SEMA3G: variants seen among roughly 807,000 people sequenced by gnomAD.
SEMA3G encodes semaphorin-3G.
SEMA3G carries 70 observed loss-of-function variants against 86.2 expected under a neutral mutation model. The observed-to-expected ratio is 0.81, with a 90% CI of 0.67 to 0.99. The LOEUF is 0.99. Among genes scored for constraint, SEMA3G ranks in the 50% least tolerant of loss-of-function variants. SEMA3G has a pLI of 0.00. For synonymous variants in SEMA3G, 416 were observed against 441.4 expected (o/e 0.94, Z 0.72); for missense variants, 1,002 against 1,072.4 (o/e 0.93, Z 0.92).
At position 52,436,014 on chromosome 3, in the gene SEMA3G, G is replaced by T; in HGVS notation, c.1938C>A (p.Ser646Arg). The T allele has an allele frequency of 1.2e-6, 2 of 1,613,586 alleles. No individual in the cohort carries two copies. Among genetic ancestry groups the T allele is most frequent in the Non-Finnish European group, 1.7e-6 (2 of 1,180,018 alleles). The change falls in exon 16 of 16, where the codon AGC becomes AGA. Residue 646 changes from serine to arginine, a missense_variant. Physicochemically the swap from Ser to Arg is moderately radical, Grantham distance 110 (BLOSUM62 -1). Coordinates refer to ENST00000231721, the MANE Select transcript of SEMA3G (RefSeq NM_020163.3). Reference sequence around the variant, plus strand: ...AGGTGTAGGTGCCCGCATCGAAACGGCTAAGCCTGCGGAACAGCAGCCCCC... The same window carrying T: ...AGGTGTAGGTGCCCGCATCGAAACGTCTAAGCCTGCGGAACAGCAGCCCCC... ...TERGLLFRRL[S>R]RFDAGTYTCT...
Position 52,435,955 on chromosome 3 carries a change from A to G in SEMA3G, c.1997T>C (p.Val666Ala), listed in dbSNP as rs1434018898. The G allele has an allele frequency of 6.2e-7, 1 of 1,613,996 alleles. No individual in the cohort carries two copies. The highest frequency in any genetic ancestry group is 8.5e-7 in the Non-Finnish European group (1 of 1,180,022). Residue 666 changes from valine to alanine, a missense_variant, in exon 16 of 16, where the codon GTG becomes GCG. Physicochemically the swap from Val to Ala is moderately conservative, Grantham distance 64. Transcript: ENST00000231721. ...AATCACCACCAGAGCCAGGCGGACC[A>G]CAGTCTGGGAGAAGCCATGCTCCAG... ...TTLEHGFSQTVVRLALVVIVA... is the reference protein window; with the variant it reads ...TTLEHGFSQTAVRLALVVIVA...
At chr3:52,441,512 G>A (rs981424374) in intron 6 of SEMA3G, 62 bp downstream of exon 6, 2 of 1,580,244 alleles carry the variant, frequency 1.3e-6, no homozygotes, top group African/African-American at 1.3e-5. Flanking sequence ...CCCACTGGAG[G>A]CTGGTGTCCT....
At chr3:52,436,284 C>T (rs776959647) in intron 15 of SEMA3G, among the ~76,000 whole-genome samples, 19 of 152,238 alleles carry the variant, frequency 1.2e-4, no homozygotes, top group Non-Finnish European at 2.1e-4. Context: ...TCCCATAGCC[C>T]AGGAAGGGGC....
In SEMA3G at chr3:52,445,040, A is replaced by T. The variant is rs939262731; in HGVS notation, c.-13T>A. On this transcript the variant is annotated 5_prime_UTR_variant, in exon 1 of 16. Transcript: ENST00000231721. The stretch of plus-strand genomic sequence containing the variant: ...CCGAGGGGGCCATGCTGGGGAACTG[A>T]GGGCACCGCTGCCGCCTGCCTGCAG... The T allele has an allele frequency of 7.9e-7, 1 of 1,266,244 alleles. No individual in the cohort carries two copies. Among genetic ancestry groups the T allele is most frequent in the Non-Finnish European group, 1.0e-6 (1 of 1,000,076 alleles). 78.4% of individuals were successfully genotyped at this position (1,266,244 alleles called of 1,614,324 possible).
At position 52,442,006 on chromosome 3, in the gene SEMA3G, G is replaced by C. The variant is rs140885132; in HGVS notation, c.460-97C>G. 8 of 1,312,972 alleles carry C rather than the reference G, an allele frequency of 6.1e-6. No homozygotes were observed. In the African/African-American group the frequency reaches 7.3e-5, roughly 12 times the overall value. The allele number at this position is 1,312,972 out of a possible 1,614,324, so 81.3% of individuals were successfully genotyped here. ...GAGCCCTCGCGTGCGGCCAGAGAGC[G>C]GGGGTGGGCGGAAGGCGTCCTCATC... On this transcript the variant is annotated intron_variant, in intron 4 of 15. Transcript: ENST00000231721. The surrounding 1 kb of genome is among the most constrained non-coding windows in gnomAD (Gnocchi z 6.1).
chr3:52,437,415 A>C, intron 15 of SEMA3G, 112 bp downstream of exon 15: 2 of 1,218,810 alleles, frequency 1.6e-6, no homozygotes, highest in Middle Eastern at 6.0e-4. Context: ...TTTTTAGGTT[A>C]ATCTTGGCAG....
At position 52,435,623 on chromosome 3, in the gene SEMA3G, G is replaced by T. The variant is rs201289437; in HGVS notation, c.2329C>A (p.Arg777=). The change falls in exon 16 of 16, where the codon CGG becomes AGG. Residue 777 remains arginine (R), a synonymous_variant. Transcript: ENST00000231721. ...CCCTTCTACGTGGCCTCCACCTCCC[G>T]GGGCGTCCGATTGTGCTCGGCATGC... The part of the protein sequence containing the change: ...RVHAEHNRTP[R]EVEAT The T allele has an allele frequency of 6.2e-7, 1 of 1,612,402 alleles. No homozygotes were observed. Among genetic ancestry groups the T allele is most frequent in the East Asian group, 2.2e-5 (1 of 44,832 alleles).
Position 52,435,463 on chromosome 3 carries a change from G to T in SEMA3G, c.*140C>A. The T allele has an allele frequency of 3.9e-6, 3 of 773,340 alleles. No individual in the cohort carries two copies. Among genetic ancestry groups the T allele is most frequent in the Non-Finnish European group, 6.2e-6 (3 of 481,408 alleles). 47.9% of individuals were successfully genotyped at this position (773,340 alleles called of 1,614,324 possible). ...CCAGCCCCTCCATTAGACCCCAGTA[G>T]CGGTGTGGGGGCAGAGACACCTGTC... On this transcript the variant is annotated 3_prime_UTR_variant, in exon 16 of 16. Coordinates refer to ENST00000231721, the MANE Select transcript of SEMA3G (RefSeq NM_020163.3).
chr3:52,442,284 C>T lies in SEMA3G; in HGVS notation c.360G>A (p.Val120=). The change falls in exon 4 of 16, where the codon GTG becomes GTA. Residue 120 remains valine (V), a synonymous_variant. Transcript: ENST00000231721. The surrounding 1 kb of genome is among the most constrained non-coding windows in gnomAD (Gnocchi z 6.1). ...RDPLTECANF[V]RVLQPHNRTH... ...TCCGGTTGTGAGGCTGTAGCACCCG[C>T]ACGAAGTTGGCGCACTCTGTCTGCG... The T allele has an allele frequency of 6.2e-7, 1 of 1,613,804 alleles. No individual in the cohort carries two copies. The highest frequency in any genetic ancestry group is 8.5e-7 in the Non-Finnish European group (1 of 1,179,954).
chr3:52,442,126 G>C lies in SEMA3G; in HGVS notation c.459+59C>G, dbSNP rs1264106745. ...ACCCAGGCTCAATGGGAATGTTCAG[G>C]CAGCAGGGAGGAAATGTCACTGCCT... is the stretch of plus-strand genomic sequence containing the variant. On this transcript the variant is annotated intron_variant, in intron 4 of 15. Transcript: ENST00000231721. This position sits in a 1 kb window ranked among gnomAD's most constrained non-coding sequence, Gnocchi z 6.1. The C allele has an allele frequency of 1.3e-6, 2 of 1,563,720 alleles. No homozygotes were observed. Among genetic ancestry groups the C allele is most frequent in the East Asian group, 4.7e-5 (2 of 42,604 alleles).
rs575062538 is a variant in SEMA3G at position 52,439,021 on chromosome 3, C to T, written c.1468-60G>A. 36 of 1,571,176 alleles carry T rather than the reference C, an allele frequency of 2.3e-5. No individual in the cohort carries two copies. In the African/African-American group the frequency reaches 4.5e-4, roughly 20 times the overall value. Reference sequence around the variant, plus strand: ...TGGACCAAGACCTGCCCCTGCACCCCTGCTTTCAGTCTCCTCCAACCCTGG... The same window carrying T: ...TGGACCAAGACCTGCCCCTGCACCCTTGCTTTCAGTCTCCTCCAACCCTGG... On this transcript the variant is annotated intron_variant, in intron 12 of 15. Coordinates refer to ENST00000231721, the MANE Select transcript of SEMA3G (RefSeq NM_020163.3).
chr3:52,433,841 C>T lies in SEMA3G; in HGVS notation c.*1762G>A. The stretch of plus-strand genomic sequence containing the variant: ...GTCTCCCCTCCCTTCTGCTCTTCAG[C>T]CCCCATCCTTTCCTCCTCTCCTCCT... On this transcript the variant is annotated 3_prime_UTR_variant, in exon 16 of 16. Transcript: ENST00000231721. The T allele has an allele frequency of 6.6e-6, 1 of 152,628 alleles. No homozygotes were observed. 9.5% of individuals were successfully genotyped at this position (152,628 alleles called of 1,614,324 possible).
At position 52,444,986 on chromosome 3, in the gene SEMA3G, GC is replaced by G; in HGVS notation, c.41del (p.Gly14AlafsTer43). The G allele has an allele frequency of 7.7e-7, 1 of 1,292,998 alleles. No individual in the cohort carries two copies. Among genetic ancestry groups the G allele is most frequent in the Non-Finnish European group, 9.9e-7 (1 of 1,014,688 alleles). 80.1% of individuals were successfully genotyped at this position (1,292,998 alleles called of 1,614,324 possible). ...SAWAICWLLG[G>X]LLLHGGSSGP... The stretch of plus-strand genomic sequence containing the variant: ...CAGAGCTACCCCCATGGAGCAGGAG[GC>G]CCCCTAGCAGCCAGCAAATGGCCCA... On this transcript the variant is annotated frameshift_variant, in exon 1 of 16. Transcript: ENST00000231721. LOFTEE classifies it high-confidence loss of function.
chr3:52,436,138 C>T (rs1706047128), intron 15 of SEMA3G, 65 bp from the exon 16 acceptor site: 1 of 1,503,268 alleles, frequency 6.7e-7, no homozygotes, highest in African/African-American at 1.4e-5. Flanking sequence ...GCTTCTCTGC[C>T]CCAGCTTTTC....
At position 52,435,903 on chromosome 3, in the gene SEMA3G, G is replaced by T. The variant is rs1165887877; in HGVS notation, c.2049C>A (p.Phe683Leu). The T allele has an allele frequency of 1.9e-6, 3 of 1,613,944 alleles. No individual in the cohort carries two copies. Among genetic ancestry groups the T allele is most frequent in the African/African-American group, 2.7e-5 (2 of 74,950 alleles). The change falls in exon 16 of 16, where the codon TTC (phenylalanine) becomes TTA (leucine). Residue 683 changes from phenylalanine to leucine, a missense_variant. By Grantham distance (22) the Phe-to-Leu change is conservative. Coordinates refer to ENST00000231721, the MANE Select transcript of SEMA3G (RefSeq NM_020163.3). ...VIVASQLDNL[F>L]PPEPKPEEPP... ...GCTCCTCTGGCTTTGGCTCCGGAGG[G>T]AACAGGTTGTCCAGCTGTGAGGCCA...
rs758627697 is a variant in SEMA3G, at chr3:52,435,853, G to GA, written c.2098dup (p.Ser700PhefsTer25). 4.3e-6 allele frequency: 7 copies of GA among 1,613,980 alleles called. No homozygotes were observed. The highest frequency in any genetic ancestry group is 5.9e-6 in the Non-Finnish European group (7 of 1,180,034). On this transcript the variant is annotated frameshift_variant, in exon 16 of 16. Coordinates refer to ENST00000231721, the MANE Select transcript of SEMA3G (RefSeq NM_020163.3). LOFTEE classifies it high-confidence loss of function. ...CTTGTACCAGGCCTTGGGTGGGGTGGAAGCCAGGCCTCCCCGGGCTGGGGG... is the reference window on the plus strand; with the variant it reads ...CTTGTACCAGGCCTTGGGTGGGGTGGAAAGCCAGGCCTCCCCGGGCTGGGGG...
intron 8 of SEMA3G, 41 bp downstream of exon 8, chr3:52,440,893 C>G: frequency 1.3e-6 from 2 of 1,599,178 alleles, no homozygotes; most frequent in Admixed American, 1.7e-5. Flanking sequence ...TCTCAGCCCT[C>G]CCCACTCCCG....
At position 52,441,649 on chromosome 3, in the gene SEMA3G, G is replaced by T. The variant is rs759458121; in HGVS notation, c.592C>A (p.Arg198=). 6.2e-7 allele frequency: 1 copy of T among 1,613,594 alleles called. No individual in the cohort carries two copies. The highest frequency in any genetic ancestry group is 8.5e-7 in the Non-Finnish European group (1 of 1,179,976). ...YTGLTADFLG[R]EAMIFRSGGP... ...CCACTTCGGAAGATCATGGCCTCTC[G>T]CCCCAGGAAGTCAGCAGTGAGACCC... The change falls in exon 6 of 16, where the codon CGA becomes AGA. Residue 198 remains arginine, a synonymous_variant. Coordinates refer to ENST00000231721, the MANE Select transcript of SEMA3G (RefSeq NM_020163.3).
chr3:52,434,572 C>T lies in SEMA3G; in HGVS notation c.*1031G>A, dbSNP rs1706007986. ...ATCCTAAGGGTCTCCTGCCCTCTAT[C>T]CATCTCCATATCCTCTCAATCTTCT... On this transcript the variant is annotated 3_prime_UTR_variant, in exon 16 of 16. Transcript: ENST00000231721. This position sits in a 1 kb window ranked among gnomAD's most constrained non-coding sequence, Gnocchi z 5.2. The T allele has an allele frequency of 6.6e-6, 1 of 152,204 alleles. No individual in the cohort carries two copies. The highest frequency in any genetic ancestry group is 1.5e-5 in the Non-Finnish European group (1 of 68,064). 9.4% of individuals were successfully genotyped at this position (152,204 alleles called of 1,614,324 possible). A position where few individuals can be genotyped will look rare whatever the true frequency, so the allele number is the denominator to read the frequency against.
Sources: gnomAD v4.1 joint callset for allele counts (sites outside exome capture counted in the v4.1 genomes callset) on GRCh38, gnomAD v4.1.1 for gene constraint, Gnocchi (gnomAD v3.1) non-coding constraint, MANE v1.5 for transcripts, NCBI Gene and HGNC (gene_info 2026-07-23, HGNC 2026-07-21) for gene names.